DENND5A: variants seen among roughly 807,000 people sequenced by gnomAD.
The protein encoded by DENND5A is DENN domain containing 5A.
Under a neutral mutation model 140.3 loss-of-function variants are expected in DENND5A, and 64 were observed. That is an observed-to-expected ratio of 0.46 (90% CI 0.37 to 0.56). The LOEUF is 0.56. Ranked by LOEUF, DENND5A falls within the 20% of genes least tolerant of loss-of-function variation. The probability of loss-of-function intolerance (pLI) is 0.00; values close to 1 mark genes in which losing one functional copy is unlikely to be tolerated. For synonymous variants in DENND5A, 605 were observed against 607.7 expected, an observed-to-expected ratio of 1.00 and a Z score of 0.07; for missense variants, 1,292 against 1,593.8, an observed-to-expected ratio of 0.81 and a Z score of 3.22.
intron 1 of DENND5A, among the ~76,000 whole-genome samples, chr11:9,216,881 T>G (rs1850113591): frequency 6.6e-6 from 1 of 151,786 alleles, no homozygotes; most frequent in East Asian, 1.9e-4. Context: ...AAAATAATAA[T>G]AATAATAAGC....
intron 4 of DENND5A, among the ~76,000 whole-genome samples, chr11:9,203,349 C>T (rs541765434): frequency 6.6e-6 from 1 of 152,318 alleles, no homozygotes; most frequent in South Asian, 2.1e-4. Context: ...CAGAACAGAA[C>T]TGATGGAAAG....
At chr11:9,211,451 A>G (rs1849875588) in intron 1 of DENND5A, among the ~76,000 whole-genome samples, 1 of 152,152 alleles carries the variant, frequency 6.6e-6, no homozygotes, top group Non-Finnish European at 1.5e-5. Context: ...TAAAAAAAGA[A>G]TGCTCTCTGG....
chr11:9,203,395 T>A, intron 4 of DENND5A: 1 of 353,910 alleles, frequency 2.8e-6, no homozygotes, highest in Non-Finnish European at 5.2e-6. Context: ...TACCCACCCC[T>A]CTTTTCACTT....
At chr11:9,220,264 C>T (rs889252605) in intron 1 of DENND5A, among the ~76,000 whole-genome samples, 3 of 152,080 alleles carry the variant, frequency 2.0e-5, no homozygotes, top group East Asian at 1.9e-4. Flanking sequence ...AAAAATAATT[C>T]GGGCCAGGCA....
intron 1 of DENND5A, among the ~76,000 whole-genome samples, chr11:9,218,583 G>T (rs182633451): frequency 1.2e-3 from 177 of 152,180 alleles, no homozygotes; most frequent in Non-Finnish European, 2.0e-3. Flanking sequence ...AATTAGCTGG[G>T]TGTGGTGGAG....
At chr11:9,252,022 A>AGCTG (rs1159769064) in intron 1 of DENND5A, among the ~76,000 whole-genome samples, 47 of 110,000 alleles carry the variant, frequency 4.3e-4, no homozygotes, top group Middle Eastern at 0.015. Context: ...AAATCTGGCC[A>AGCTG]GGTGCAGTGG....
Position 9,169,921 on chromosome 11 carries a change from A to G in DENND5A, c.2086T>C (p.Trp696Arg), listed in dbSNP as rs773537386. 1.2e-6 allele frequency: 2 copies of G among 1,613,766 alleles called. No individual in the cohort carries two copies. Among genetic ancestry groups the G allele is most frequent in the East Asian group, 2.2e-5 (1 of 44,876 alleles). The change falls in exon 10 of 23, where the codon TGG (tryptophan) becomes CGG (arginine). Residue 696 changes from tryptophan (W) to arginine (R), a missense_variant. Transcript: ENST00000328194. ...KWTKRNAPAQ[W>R]RRKDRQKQHT... ...TGCTTCTGCCGATCTTTCCGCCTCC[A>G]CTGGGCAGGGGCATTCCTTTTCGTC...
intron 5 of DENND5A, among the ~76,000 whole-genome samples, chr11:9,187,480 C>T (rs1848957050): frequency 6.6e-6 from 1 of 152,160 alleles, no homozygotes; most frequent in Non-Finnish European, 1.5e-5. Flanking sequence ...CTCAAGGTCA[C>T]AATGATCTTT....
rs1428046114 is a variant in DENND5A, at chr11:9,207,632, G to A, written c.110C>T (p.Ala37Val). The A allele has an allele frequency of 2.5e-6, 4 of 1,603,588 alleles. No homozygotes were observed. In the East Asian group the frequency reaches 6.7e-5, roughly 27 times the overall value. The change falls in exon 2 of 23, where the codon GCA (alanine) becomes GTA (valine). Residue 37 changes from alanine (A) to valine (V), a missense_variant and splice_region_variant. Ala to Val is a moderately conservative substitution (Grantham distance 64, BLOSUM62 0). Coordinates refer to ENST00000328194, the MANE Select transcript of DENND5A (RefSeq NM_015213.4). The part of the protein sequence containing the change: ...ETGLEPDELS[A>V]LCQYIQASKA... Reference sequence around the variant, plus strand: ...AGAAGCCTGTATGTACTGGCATAATGCTATATGATAAATGAAATAACAGAG... The same window carrying A: ...AGAAGCCTGTATGTACTGGCATAATACTATATGATAAATGAAATAACAGAG...
chr11:9,169,798 G>C, intron 10 of DENND5A, 58 bp downstream of exon 10: 4 of 1,056,786 alleles, frequency 3.8e-6, no homozygotes, highest in Non-Finnish European at 5.9e-6. Flanking sequence ...AAATGAGAAA[G>C]AGAAGGAGTG....
At chr11:9,167,272 C>T (rs1309088260) in intron 10 of DENND5A, among the ~76,000 whole-genome samples, 1 of 151,884 alleles carries the variant, frequency 6.6e-6, no homozygotes, top group Non-Finnish European at 1.5e-5. Flanking sequence ...TCTATCTCTA[C>T]TACCAACCCC....
At position 9,147,177 on chromosome 11, in the gene DENND5A, G is replaced by A; in HGVS notation, c.2736-26C>T. 1.9e-6 allele frequency: 3 copies of A among 1,609,246 alleles called. No individual in the cohort carries two copies. In the South Asian group the frequency reaches 3.3e-5, roughly 18 times the overall value. On this transcript the variant is annotated intron_variant, in intron 15 of 22. Transcript: ENST00000328194. ...CTGTTGGAGAGGAGGTAATACATCA[G>A]TCTCCGACCAAAAGGAAGGGAAAGA...
chr11:9,190,317 G>GT (rs1849072708), intron 5 of DENND5A, among the ~76,000 whole-genome samples: 1 of 152,130 alleles, frequency 6.6e-6, no homozygotes, highest in African/African-American at 2.4e-5. Context: ...AGGGCAGAGT[G>GT]ATACGGTTTG....
intron 12 of DENND5A, among the ~76,000 whole-genome samples, chr11:9,157,330 T>G (rs1028772264): frequency 6.6e-6 from 1 of 152,222 alleles, no homozygotes; most frequent in African/African-American, 2.4e-5. Flanking sequence ...TTTATTTAAT[T>G]CTTTTAACTT....
At chr11:9,207,474 G>C in intron 2 of DENND5A, 87 bp downstream of exon 2, 1 of 996,350 alleles carries the variant, frequency 1.0e-6, no homozygotes, top group South Asian at 1.4e-5. Context: ...AAAGTTAGAA[G>C]GTCAAAGGTT....
chr11:9,167,397 A>G (rs1848226416), intron 10 of DENND5A, among the ~76,000 whole-genome samples: 1 of 150,138 alleles, frequency 6.7e-6, no homozygotes, highest in Non-Finnish European at 1.5e-5. Context: ...TCCTTTACAC[A>G]TTTACACACC....
chr11:9,146,276 G>A (rs568240956), intron 16 of DENND5A, among the ~76,000 whole-genome samples: 4 of 152,138 alleles, frequency 2.6e-5, no homozygotes, highest in Admixed American at 2.6e-4. Flanking sequence ...TCCAGTCCAG[G>A]GCTACTTCTA....
At chr11:9,169,082 GA>G (rs1428770824) in intron 10 of DENND5A, among the ~76,000 whole-genome samples, 2 of 149,788 alleles carry the variant, frequency 1.3e-5, no homozygotes, top group African/African-American at 4.9e-5. Flanking sequence ...AGAAGAAGAA[GA>G]AAAAAAAAGT....
chr11:9,175,642 C>G (rs947416734), intron 8 of DENND5A: 2 of 152,028 alleles, frequency 1.3e-5, no homozygotes, highest in Admixed American at 1.3e-4. Flanking sequence ...TGTAGACCAA[C>G]AGATCAATGA....
Sources: allele counts gnomAD v4.1 joint callset (sites outside exome capture counted in the v4.1 genomes callset), GRCh38; gene constraint gnomAD v4.1.1; transcripts MANE v1.5; gene names NCBI Gene and HGNC (gene_info 2026-07-23, HGNC 2026-07-21).